The following TMCC1 variants were observed in gnomAD, a reference collection of about 807,000 sequenced individuals.
TMCC1 encodes transmembrane and coiled-coil domains protein 1.
A neutral mutation model predicts 52.4 loss-of-function variants in TMCC1; 15 were observed. That is an observed-to-expected ratio of 0.29 (90% confidence interval 0.19 to 0.44). The LOEUF is 0.44. Among genes scored for constraint, TMCC1 ranks in the 20% least tolerant of loss-of-function variants. TMCC1 has a pLI of 1.00. For missense variants in TMCC1, 503 were observed against 806.0 expected (o/e 0.62, Z 4.55); for synonymous variants, 279 against 301.9 (o/e 0.92, Z 0.79).
chr3:129,714,750 G>GAAAT (rs1026823369), intron 4 of TMCC1, among the ~76,000 whole-genome samples: 51 of 152,308 alleles, frequency 3.3e-4, no homozygotes, highest in African/African-American at 1.2e-3. Flanking sequence ...ACACTCCTTA[G>GAAAT]AAATGATTCC....
intron 1 of TMCC1, among the ~76,000 whole-genome samples, chr3:129,885,334 C>T (rs937868139): frequency 2.6e-5 from 4 of 151,638 alleles, no homozygotes; most frequent in African/African-American, 9.7e-5. Flanking sequence ...CAGAACAAAG[C>T]TTTGGGGTCA....
chr3:129,866,319 T>C (rs1380134715), intron 2 of TMCC1, among the ~76,000 whole-genome samples: 1 of 144,392 alleles, frequency 6.9e-6, no homozygotes, highest in South Asian at 2.1e-4. Flanking sequence ...ATATATTATA[T>C]ATACATATAT....
chr3:129,655,120 A>T lies in TMCC1; in HGVS notation c.1512-17T>A, dbSNP rs1465438647. On this transcript the variant is annotated splice_polypyrimidine_tract_variant and intron_variant, in intron 5 of 6. Coordinates refer to ENST00000393238, the MANE Select transcript of TMCC1 (RefSeq NM_001017395.5). Reference sequence around the variant, plus strand: ...CGTTCACATCTAAGGAGAAAAAAAAAGTTTAGAATTTTATGAATTCTGTGA... The same window carrying T: ...CGTTCACATCTAAGGAGAAAAAAAATGTTTAGAATTTTATGAATTCTGTGA... The T allele has an allele frequency of 1.2e-6, 2 of 1,602,410 alleles. No individual in the cohort carries two copies. The highest frequency in any genetic ancestry group is 1.7e-6 in the Non-Finnish European group (2 of 1,175,732).
At chr3:129,816,301 C>T (rs561799521) in intron 4 of TMCC1, among the ~76,000 whole-genome samples, 4 of 152,280 alleles carry the variant, frequency 2.6e-5, no homozygotes, top group African/African-American at 7.2e-5. Flanking sequence ...TTTGCAAGTG[C>T]TATTCACAAT....
intron 4 of TMCC1, among the ~76,000 whole-genome samples, chr3:129,685,351 C>A (rs1246389478): frequency 6.6e-6 from 1 of 151,290 alleles, no homozygotes; most frequent in Non-Finnish European, 1.5e-5. Flanking sequence ...GGCACTCCAG[C>A]CTGCGCAACA....
intron 4 of TMCC1, among the ~76,000 whole-genome samples, chr3:129,805,426 G>T (rs768345216): frequency 8.5e-5 from 13 of 152,102 alleles, no homozygotes; most frequent in Non-Finnish European, 1.3e-4. Flanking sequence ...GCCTCCTAAA[G>T]TGCCGGGATT....
At chr3:129,888,469 C>A (rs2061823003) in intron 1 of TMCC1, among the ~76,000 whole-genome samples, 1 of 152,134 alleles carries the variant, frequency 6.6e-6, no homozygotes, top group Non-Finnish European at 1.5e-5. Context: ...ATAAAAGGTA[C>A]CAGGGCTCCT....
chr3:129,765,651 TACCC>T, intron 4 of TMCC1, among the ~76,000 whole-genome samples: 1 of 152,138 alleles, frequency 6.6e-6, no homozygotes, highest in East Asian at 1.9e-4. Flanking sequence ...TCTCCTAGCT[TACCC>T]AGAATTTGAA....
chr3:129,866,153 T>C (rs2060617733), intron 2 of TMCC1, among the ~76,000 whole-genome samples: 1 of 151,566 alleles, frequency 6.6e-6, no homozygotes, highest in Non-Finnish European at 1.5e-5. Context: ...AACTTACGAT[T>C]ATGAAATAAA....
rs537212865 is a variant in TMCC1 at position 129,814,999 on chromosome 3, A to C, written c.576+12804T>G. On this transcript the variant is annotated intron_variant, in intron 4 of 6. Coordinates refer to ENST00000393238, the MANE Select transcript of TMCC1 (RefSeq NM_001017395.5). ...GCACCTCATTCTCAATAATGGACAGATCATCCAGACAGAAAATCAACAGAG... is the reference window on the plus strand; with the variant it reads ...GCACCTCATTCTCAATAATGGACAGCTCATCCAGACAGAAAATCAACAGAG... 1.2e-4 allele frequency among the ~76,000 whole-genome samples: 18 copies of C among 152,256 alleles called. No homozygotes were observed. The South Asian group carries it at 3.5e-3, about 30-fold the overall frequency.
chr3:129,846,401 T>G (rs916865780), intron 2 of TMCC1, among the ~76,000 whole-genome samples: 2 of 152,224 alleles, frequency 1.3e-5, no homozygotes, highest in African/African-American at 2.4e-5. Flanking sequence ...CATCTCCCAT[T>G]TATGCTTTCT....
intron 2 of TMCC1, among the ~76,000 whole-genome samples, chr3:129,864,688 A>G (rs1051533001): frequency 1.9e-4 from 29 of 152,294 alleles, no homozygotes; most frequent in African/African-American, 6.5e-4. Flanking sequence ...GGCTGCAAAG[A>G]GCTGAGATCA....
chr3:129,691,363 A>G (rs1012195098), intron 4 of TMCC1, among the ~76,000 whole-genome samples: 1 of 152,138 alleles, frequency 6.6e-6, no homozygotes, highest in African/African-American at 2.4e-5. Flanking sequence ...AGCCTGGGCA[A>G]TGAAAGGGAA....
chr3:129,711,826 TAAA>T (rs66986935), intron 4 of TMCC1, among the ~76,000 whole-genome samples: 37 of 118,688 alleles, frequency 3.1e-4, no homozygotes, highest in African/African-American at 9.4e-4. Flanking sequence ...CCGTCTCTAC[TAAA>T]AAAAAAAAAA....
At chr3:129,868,680 T>A (rs1171822255) in intron 2 of TMCC1, among the ~76,000 whole-genome samples, 1 of 152,188 alleles carries the variant, frequency 6.6e-6, no homozygotes, top group Admixed American at 6.5e-5. Context: ...CCTCAAGTGA[T>A]CCACCCACCT....
Position 129,651,320 on chromosome 3 carries a change from T to C in TMCC1, c.*161A>G. 1 of 803,150 alleles carries C rather than the reference T, an allele frequency of 1.2e-6. No individual in the cohort carries two copies. Among genetic ancestry groups the C allele is most frequent in the South Asian group, 2.2e-5 (1 of 44,662 alleles). The allele number at this position is 803,150 out of a possible 1,614,324, so 49.8% of individuals were successfully genotyped here. A position where few individuals can be genotyped will look rare whatever the true frequency, so the allele number is the denominator to read the frequency against. On this transcript the variant is annotated 3_prime_UTR_variant, in exon 7 of 7. Transcript: ENST00000393238. This position sits in a 1 kb window ranked among gnomAD's most constrained non-coding sequence, Gnocchi z 5.1. The stretch of plus-strand genomic sequence containing the variant: ...TTGGATAAAATCTAAAAAATACTAT[T>C]GCAATTGCGTCTCTTGAAGAAAAAA...
intron 1 of TMCC1, among the ~76,000 whole-genome samples, chr3:129,884,137 A>G (rs575557809): frequency 2.3e-3 from 357 of 152,310 alleles, no homozygotes; most frequent in African/African-American, 8.2e-3. Flanking sequence ...AATGTGCACT[A>G]CAAGAAACAT....
intron 4 of TMCC1, among the ~76,000 whole-genome samples, chr3:129,826,459 G>A (rs1415781340): frequency 6.6e-6 from 1 of 151,852 alleles, no homozygotes; most frequent in Non-Finnish European, 1.5e-5. Flanking sequence ...AGTGAGCCAC[G>A]ATCACACCAC....
intron 4 of TMCC1, among the ~76,000 whole-genome samples, chr3:129,712,550 C>T (rs888996189): frequency 6.6e-6 from 1 of 152,112 alleles, no homozygotes; most frequent in African/African-American, 2.4e-5. Flanking sequence ...TGGGCTCAAG[C>T]AATCCTCCCA....
Sources: gnomAD v4.1 joint callset for allele counts (sites outside exome capture counted in the v4.1 genomes callset) on GRCh38, gnomAD v4.1.1 for gene constraint, Gnocchi (gnomAD v3.1) non-coding constraint, MANE v1.5 for transcripts, NCBI Gene and HGNC (gene_info 2026-07-23, HGNC 2026-07-21) for gene names.